Variants in LIN7A observed in about 807,000 individuals in gnomAD.
LIN7A encodes the protein protein lin-7 homolog A.
Under a neutral mutation model 29.8 loss-of-function variants are expected in LIN7A, and 25 were observed. That is an observed-to-expected ratio of 0.84 (90% CI 0.61 to 1.17). The LOEUF is 1.17. LIN7A is among the 50% of genes most tolerant of loss of function. The pLI is 0.00. For missense variants in LIN7A, 239 were observed against 287.0 expected (o/e 0.83, Z 1.21); for synonymous variants, 118 against 107.5 (o/e 1.10, Z -0.60).
rs767034255 is a variant in LIN7A, at chr12:80,853,900, T to C, written c.202-5578A>G. Among the ~76,000 whole-genome samples the C allele has an allele frequency of 1.5e-3, 222 of 152,178 alleles. 1 individual carries two copies. Among genetic ancestry groups the C allele is most frequent in the Admixed American group, 3.1e-3 (48 of 15,278 alleles). On this transcript the variant is annotated intron_variant, in intron 2 of 5. Coordinates refer to ENST00000552864, the MANE Select transcript of LIN7A (RefSeq NM_004664.4). ...ATAGAGACGGGGTTTCACTATATTG[T>C]TCAGGCTGGTCTCGAACTCCTGACC...
At chr12:80,841,423 C>G (rs974186075) in intron 4 of LIN7A, among the ~76,000 whole-genome samples, 3 of 151,678 alleles carry the variant, frequency 2.0e-5, no homozygotes, top group Non-Finnish European at 4.4e-5. Context: ...AAAGAAAGTA[C>G]GAACAGCACC....
At chr12:80,855,094 A>C (rs1225478358) in intron 2 of LIN7A, among the ~76,000 whole-genome samples, 1 of 152,088 alleles carries the variant, frequency 6.6e-6, no homozygotes, top group Non-Finnish European at 1.5e-5. Context: ...TACAATTAGC[A>C]TCATATAAAC....
intron 4 of LIN7A, among the ~76,000 whole-genome samples, chr12:80,839,538 A>T (rs965566896): frequency 6.6e-6 from 1 of 152,236 alleles, no homozygotes; most frequent in African/African-American, 2.4e-5. Flanking sequence ...CATCATTGGA[A>T]CATGCATTTT....
intron 1 of LIN7A, among the ~76,000 whole-genome samples, chr12:80,911,598 A>G (rs1351938271): frequency 6.6e-6 from 1 of 152,202 alleles, no homozygotes; most frequent in Non-Finnish European, 1.5e-5. Flanking sequence ...TTTCCTGAAA[A>G]TTATTCTTGT....
chr12:80,829,637 G>C (rs1465186441), intron 4 of LIN7A, among the ~76,000 whole-genome samples: 16 of 152,072 alleles, frequency 1.1e-4, no homozygotes, highest in South Asian at 2.1e-4. Context: ...TCTCAATCTT[G>C]ATAGATGTGA....
chr12:80,933,022 G>A (rs1326855290), intron 1 of LIN7A, among the ~76,000 whole-genome samples: 1 of 152,116 alleles, frequency 6.6e-6, no homozygotes, highest in Non-Finnish European at 1.5e-5. Flanking sequence ...TTTGTTACAA[G>A]GGTAAATGAC....
chr12:80,884,630 C>T (rs528836403), intron 2 of LIN7A, among the ~76,000 whole-genome samples: 23 of 152,162 alleles, frequency 1.5e-4, no homozygotes, highest in South Asian at 1.5e-3. Context: ...TTAGATAGGA[C>T]GGAGAAATTC....
intron 2 of LIN7A, among the ~76,000 whole-genome samples, chr12:80,856,973 T>G (rs1190092008): frequency 6.6e-6 from 1 of 152,222 alleles, no homozygotes; most frequent in Non-Finnish European, 1.5e-5. Context: ...GTTTATTAGT[T>G]GCCCCAATAT....
chr12:80,915,165 A>C (rs1159129497), intron 1 of LIN7A, among the ~76,000 whole-genome samples: 2 of 147,920 alleles, frequency 1.4e-5, no homozygotes, highest in African/African-American at 5.1e-5. Flanking sequence ...AAAAAAAAAA[A>C]ACAAAAAAAC....
intron 2 of LIN7A, among the ~76,000 whole-genome samples, chr12:80,868,549 C>A (rs1454308162): frequency 6.6e-6 from 1 of 152,118 alleles, no homozygotes; most frequent in African/African-American, 2.4e-5. Context: ...GCCTGGGCAA[C>A]AAGAGCAAAA....
At chr12:80,870,620 C>A (rs1874380069) in intron 2 of LIN7A, among the ~76,000 whole-genome samples, 1 of 152,138 alleles carries the variant, frequency 6.6e-6, no homozygotes, top group Non-Finnish European at 1.5e-5. Flanking sequence ...ATCACAAATA[C>A]CTTCTATATG....
Position 80,838,531 on chromosome 12 carries a change from ATG to A in LIN7A, c.483+7197_483+7198del, listed in dbSNP as rs1458417500. Among the ~76,000 whole-genome samples the A allele has an allele frequency of 3.3e-5, 5 of 152,316 alleles. No individual in the cohort carries two copies. The South Asian group carries it at 8.3e-4, about 25-fold the overall frequency. ...AAGTGACTGGGATAAAACAACATAA[ATG>A]TACTTCTCTTGGCTTCTTCACAAAT... is the stretch of plus-strand genomic sequence containing the variant. On this transcript the variant is annotated intron_variant, in intron 4 of 5. Coordinates refer to ENST00000552864, the MANE Select transcript of LIN7A (RefSeq NM_004664.4).
intron 2 of LIN7A, among the ~76,000 whole-genome samples, chr12:80,857,240 A>G (rs951836558): frequency 3.3e-5 from 5 of 152,148 alleles, no homozygotes. Flanking sequence ...TAAAACAGAT[A>G]GTTTACTTAG....
intron 3 of LIN7A, among the ~76,000 whole-genome samples, chr12:80,846,297 T>G (rs1873074983): frequency 6.6e-6 from 1 of 152,218 alleles, no homozygotes. Context: ...ATTTTATACA[T>G]GTGTTGACTA....
chr12:80,883,954 C>T (rs1481349320), intron 2 of LIN7A, among the ~76,000 whole-genome samples: 1 of 152,124 alleles, frequency 6.6e-6, no homozygotes, highest in Admixed American at 6.5e-5. Flanking sequence ...ACCAGGAGCA[C>T]TTGAACAGTA....
At chr12:80,897,812 A>T (rs1016064560) in intron 1 of LIN7A, among the ~76,000 whole-genome samples, 2 of 150,612 alleles carry the variant, frequency 1.3e-5, no homozygotes, top group Non-Finnish European at 3.0e-5. Context: ...CAAAAAAAAT[A>T]AAAAAAATTG....
At chr12:80,878,317 GAACTAT>G (rs755572003) in intron 2 of LIN7A, among the ~76,000 whole-genome samples, 9 of 152,170 alleles carry the variant, frequency 5.9e-5, no homozygotes, top group Non-Finnish European at 1.3e-4. Context: ...TGCAGAAATA[GAACTAT>G]AACTATACTT....
intron 2 of LIN7A, among the ~76,000 whole-genome samples, chr12:80,871,461 A>G (rs1323886073): frequency 1.3e-5 from 2 of 152,148 alleles, no homozygotes; most frequent in Non-Finnish European, 2.9e-5. Flanking sequence ...AAATCCAATT[A>G]AATAGTTTTA....
intron 1 of LIN7A, among the ~76,000 whole-genome samples, chr12:80,921,274 T>C (rs1208842037): frequency 6.6e-6 from 1 of 151,778 alleles, no homozygotes; most frequent in South Asian, 2.1e-4. Context: ...TCCAGAACCA[T>C]AAGAAATATA....
Sources: gnomAD v4.1 joint callset for allele counts (sites outside exome capture counted in the v4.1 genomes callset) on GRCh38, gnomAD v4.1.1 for gene constraint, MANE v1.5 for transcripts, NCBI Gene and HGNC (gene_info 2026-07-23, HGNC 2026-07-21) for gene names.